Variants in IQSEC1 observed in about 807,000 individuals in gnomAD.
IQSEC1 encodes the protein IQ motif and Sec7 domain ArfGEF 1.
In IQSEC1, 31 loss-of-function variants were observed where a neutral mutation model predicts 91.0. That is an observed-to-expected ratio of 0.34 (90% CI 0.26 to 0.46). IQSEC1 has a LOEUF of 0.46. Among genes scored for constraint, IQSEC1 ranks in the 20% least tolerant of loss-of-function variants. The pLI is 1.00. For synonymous variants in IQSEC1, 699 were observed against 662.6 expected (o/e 1.05, Z -0.84); for missense variants, 1,388 against 1,575.6 (o/e 0.88, Z 2.02).
In IQSEC1 at chr3:13,114,114, C is replaced by T. The variant is rs190138228; in HGVS notation, c.302+49990G>A. Reference sequence around the variant, plus strand: ...AATGCTCCAGACATGACAGCAGACACCTGTGCTGAGGGGCCAGGCTGGGCC... The same window carrying T: ...AATGCTCCAGACATGACAGCAGACATCTGTGCTGAGGGGCCAGGCTGGGCC... On this transcript the variant is annotated intron_variant, in intron 2 of 15. Coordinates refer to the IQSEC1 transcript ENST00000648114. 2.5e-3 allele frequency among the ~76,000 whole-genome samples: 387 copies of T among 152,364 alleles called. 1 individual carries two copies. Among genetic ancestry groups the T allele is most frequent in the Non-Finnish European group, 4.4e-3 (296 of 68,042 alleles).
chr3:13,282,827 G>A lies in IQSEC1; in HGVS notation c.156C>T (p.Gly52=), dbSNP rs1025249541. Among the ~76,000 whole-genome samples the A allele has an allele frequency of 3.4e-5, 5 of 147,842 alleles. No individual in the cohort carries two copies. The highest frequency in any genetic ancestry group is 1.2e-4 in the African/African-American group (5 of 40,942). Residue 52 remains glycine, a synonymous_variant, in exon 1 of 16, where the codon GGC becomes GGT. Transcript: ENST00000648114. This position sits in a 1 kb window ranked among gnomAD's most constrained non-coding sequence, Gnocchi z 6.4. ...GGTGTCGCCGGTGTCGCTCCAGCAG[G>A]CCGGCGTTCTCCCGGCTCAGCCGCG...
chr3:12,961,424 C>T (rs1412031942), intron 1 of IQSEC1, among the ~76,000 whole-genome samples: 1 of 152,252 alleles, frequency 6.6e-6, no homozygotes, highest in Non-Finnish European at 1.5e-5. Context: ...AAGCGATTTT[C>T]TTAATACCCT....
chr3:13,021,780 T>G (rs1367234350), intron 1 of IQSEC1, among the ~76,000 whole-genome samples: 1 of 152,216 alleles, frequency 6.6e-6, no homozygotes, highest in African/African-American at 2.4e-5. Flanking sequence ...ATGTAACACA[T>G]GCTGCACCTG....
intron 1 of IQSEC1, among the ~76,000 whole-genome samples, chr3:13,182,466 T>C (rs1219062857): frequency 6.6e-6 from 1 of 152,210 alleles, no homozygotes; most frequent in Non-Finnish European, 1.5e-5. Context: ...GCTACATCGA[T>C]AGATGATGGC....
rs755378826 is a variant in IQSEC1 at position 12,911,690 on chromosome 3, C to G, written c.2355G>C (p.Thr785=). 1.2e-6 allele frequency: 2 copies of G among 1,613,636 alleles called. No individual in the cohort carries two copies. The highest frequency in any genetic ancestry group is 1.1e-5 in the South Asian group (1 of 91,084). ...AGGAGAAGGACTGTCGGAAGCTGTA[C>G]GTCACCGAGTTCTTCTTCTTCTGGA... The part of the protein sequence containing the change: ...KIFQKKKNSV[T]YSFRQSFSLY... Residue 785 remains threonine (T), a synonymous_variant, in exon 10 of 14, where the codon ACG becomes ACC. Transcript: ENST00000613206.
At chr3:13,249,235 G>C (rs544213913) in intron 1 of IQSEC1, among the ~76,000 whole-genome samples, 7 of 144,838 alleles carry the variant, frequency 4.8e-5, no homozygotes, top group Admixed American at 3.5e-4. Flanking sequence ...GCAGTGGCGC[G>C]ATCTCGGCTC....
chr3:12,983,857 T>C lies in IQSEC1; in HGVS notation c.24-41992A>G, dbSNP rs60102744. Among the ~76,000 whole-genome samples, 18,921 of 152,038 alleles carry C rather than the reference T, an allele frequency of 0.12. 1,237 individuals carry two copies. The highest frequency in any genetic ancestry group is 0.15 in the Middle Eastern group (44 of 294). On this transcript the variant is annotated intron_variant, in intron 1 of 13. Transcript: ENST00000613206. The surrounding 1 kb of genome is among the most constrained non-coding windows in gnomAD (Gnocchi z 4.3). ...GCTGGATAAATATTTGTGGATGAAA[T>C]GAATATGCCCAGCTCATGTATGTCC... is the stretch of plus-strand genomic sequence containing the variant.
chr3:13,006,962 C>G (rs1470430362), intron 1 of IQSEC1, among the ~76,000 whole-genome samples: 1 of 152,270 alleles, frequency 6.6e-6, no homozygotes, highest in Non-Finnish European at 1.5e-5. Flanking sequence ...TCACAAAGCT[C>G]TGCTACCGGC....
chr3:13,125,272 C>T (rs1432292754), intron 2 of IQSEC1, among the ~76,000 whole-genome samples: 2 of 152,192 alleles, frequency 1.3e-5, no homozygotes, highest in African/African-American at 2.4e-5. Context: ...TGGCTGTCTA[C>T]GTACCCTCAG....
intron 10 of IQSEC1, among the ~76,000 whole-genome samples, chr3:12,910,180 CTT>C (rs1364064962): frequency 6.6e-6 from 1 of 152,230 alleles, no homozygotes; most frequent in African/African-American, 2.4e-5. Flanking sequence ...GCTCAGCAAA[CTT>C]TTTAAAAATA....
intron 2 of IQSEC1, among the ~76,000 whole-genome samples, chr3:13,080,538 C>A (rs1267831107): frequency 2.0e-5 from 3 of 151,964 alleles, no homozygotes; most frequent in Non-Finnish European, 4.4e-5. Flanking sequence ...GAGGCTCAGC[C>A]CTGCAGGAGA....
At chr3:13,163,400 T>G (rs1707215330) in intron 2 of IQSEC1, among the ~76,000 whole-genome samples, 1 of 152,150 alleles carries the variant, frequency 6.6e-6, no homozygotes, top group African/African-American at 2.4e-5. Flanking sequence ...AACTGCCTCC[T>G]GGCCTCTCCT....
Position 13,114,855 on chromosome 3 carries a change from C to T in IQSEC1, c.302+49249G>A, listed in dbSNP as rs180819302. On this transcript the variant is annotated intron_variant, in intron 2 of 15. Coordinates refer to the IQSEC1 transcript ENST00000648114. ...TTGGAAGGACGATGGGTGACGGGTG[C>T]CAAAGAGAAGAGCCAAGCACTGTGA... 1.4e-4 allele frequency among the ~76,000 whole-genome samples: 21 copies of T among 150,812 alleles called. No homozygotes were observed. The East Asian group carries it at 4.1e-3, about 29-fold the overall frequency.
intron 1 of IQSEC1, among the ~76,000 whole-genome samples, chr3:13,266,428 C>T (rs1020332569): frequency 3.9e-5 from 6 of 152,180 alleles, no homozygotes; most frequent in Non-Finnish European, 8.8e-5. Flanking sequence ...AAGTCAAGCT[C>T]AGCCTGCAGT....
chr3:13,257,492 C>T (rs1695311630), intron 1 of IQSEC1, among the ~76,000 whole-genome samples: 1 of 152,224 alleles, frequency 6.6e-6, no homozygotes, highest in Non-Finnish European at 1.5e-5. Flanking sequence ...CAGACTAACC[C>T]TGGCTGGTGC....
At chr3:13,016,291 A>G (rs9830953) in intron 1 of IQSEC1, among the ~76,000 whole-genome samples, 20,074 of 152,226 alleles carry the variant, frequency 0.13, 1,556 homozygotes, top group African/African-American at 0.22. Context: ...TTCCCACTGC[A>G]ACCGCCAGCC....
chr3:12,902,681 A>AAAC (rs1694485390), intron 13 of IQSEC1, 92 bp downstream of exon 13: 1 of 629,192 alleles, frequency 1.6e-6, no homozygotes, highest in South Asian at 2.4e-5. Context: ...AAAAAAAAAA[A>AAAC]AAAAAAAAAA....
In IQSEC1 at chr3:13,158,140, G is replaced by A. The variant is rs551498505; in HGVS notation, c.302+5964C>T. On this transcript the variant is annotated intron_variant, in intron 2 of 15. Transcript: ENST00000648114. ...CCACCGTGCTAAGAAATGTCCACTC[G>A]CCTCCAGAGGCCGCCGGCTCAGCCC... Among the ~76,000 whole-genome samples, 6 of 152,276 alleles carry A rather than the reference G, an allele frequency of 3.9e-5. No homozygotes were observed. In the South Asian group the frequency reaches 6.2e-4, roughly 16 times the overall value.
chr3:12,991,299 G>A (rs1033286312), intron 1 of IQSEC1, among the ~76,000 whole-genome samples: 2 of 152,168 alleles, frequency 1.3e-5, no homozygotes, highest in Admixed American at 6.5e-5. Flanking sequence ...GTTCCTTCCC[G>A]CAGGAGCCAA....
Sources: gnomAD v4.1 joint callset for allele counts (sites outside exome capture counted in the v4.1 genomes callset) on GRCh38, gnomAD v4.1.1 for gene constraint, Gnocchi (gnomAD v3.1) non-coding constraint, MANE v1.5 for transcripts, NCBI Gene and HGNC (gene_info 2026-07-23, HGNC 2026-07-21) for gene names.